NCOR1: variants seen among roughly 807,000 people sequenced by gnomAD.
NCOR1 encodes nuclear receptor corepressor 1, also known as protein phosphatase 1, regulatory subunit 109.
A neutral mutation model predicts 288.1 loss-of-function variants in NCOR1; 63 were observed. That is an observed-to-expected ratio of 0.22 (90% CI 0.18 to 0.27). NCOR1 has a LOEUF of 0.27. Among genes scored for constraint, NCOR1 ranks in the 10% least tolerant of loss-of-function variants. The probability of loss-of-function intolerance (pLI) is 1.00; values close to 1 mark genes in which losing one functional copy is unlikely to be tolerated. For missense variants in NCOR1, 2,397 were observed against 3,019.2 expected (o/e 0.79, Z 4.83); for synonymous variants, 1,007 against 1,065.9 (o/e 0.94, Z 1.08).
chr17:16,151,514 C>G, intron 8 of NCOR1: 1 of 1,069,172 alleles, frequency 9.4e-7, no homozygotes. Flanking sequence ...GGCACTTCTA[C>G]TTTGCAATGG....
In NCOR1 at chr17:16,047,070, C is replaced by T. The variant is rs1481285610; in HGVS notation, c.6560G>A (p.Ser2187Asn). The change falls in exon 42 of 46, where the codon AGT becomes AAT. Residue 2187 changes from serine to asparagine, a missense_variant. Around this residue, in one of 11 missense-constraint regions of NCOR1, gnomAD observed 1,872 missense variants for 2,187.8 expected, o/e 0.86. Transcript: ENST00000268712. ...EQRNDARSPG[S>N]ISYLPSFFTK... Reference sequence around the variant, plus strand: ...GAAGAATGAAGGCAAGTAGCTTATACTCCCTGGTGAGCGGGCATCATTCCT... The same window carrying T: ...GAAGAATGAAGGCAAGTAGCTTATATTCCCTGGTGAGCGGGCATCATTCCT... 3 of 1,613,096 alleles carry T rather than the reference C, an allele frequency of 1.9e-6. No homozygotes were observed. Among genetic ancestry groups the T allele is most frequent in the Admixed American group, 3.3e-5 (2 of 59,870 alleles).
chr17:16,193,087 TAG>T (rs1424778730), intron 2 of NCOR1, among the ~76,000 whole-genome samples: 5 of 152,158 alleles, frequency 3.3e-5, no homozygotes, highest in African/African-American at 1.2e-4. Context: ...AAGAACGTCC[TAG>T]AGTGTTAGAA....
intron 40 of NCOR1, among the ~76,000 whole-genome samples, chr17:16,053,156 A>C (rs1159820541): frequency 1.3e-5 from 2 of 152,226 alleles, no homozygotes; most frequent in Non-Finnish European, 2.9e-5. Flanking sequence ...GCCCTCTGTC[A>C]CCACTTTTAT....
intron 1 of NCOR1, among the ~76,000 whole-genome samples, chr17:16,211,798 C>T (rs2092152875): frequency 6.6e-6 from 1 of 152,040 alleles, no homozygotes; most frequent in Non-Finnish European, 1.5e-5. Flanking sequence ...AAAAATGCCA[C>T]CACAAGAAAA....
rs766638542 is a variant in NCOR1, at chr17:16,070,481, G to C, written c.4197C>G (p.Ile1399Met). Reference protein sequence around the residue: ...KFDNNSGQSAIKHNVKSLITG... With the variant: ...KFDNNSGQSAMKHNVKSLITG... Reference sequence around the variant, plus strand: ...TGATTAAGGATTTGACATTGTGTTTGATGGCAGATTGACCTGAGTTGTTGT... The same window carrying C: ...TGATTAAGGATTTGACATTGTGTTTCATGGCAGATTGACCTGAGTTGTTGT... The change falls in exon 31 of 46, where the codon ATC (isoleucine) becomes ATG (methionine). Residue 1399 changes from isoleucine (I) to methionine (M), a missense_variant. By Grantham distance (10) the Ile-to-Met change is conservative (BLOSUM62 1). Coordinates refer to ENST00000268712, the MANE Select transcript of NCOR1 (RefSeq NM_006311.4). 2.5e-6 allele frequency: 4 copies of C among 1,614,086 alleles called. No individual in the cohort carries two copies. Among genetic ancestry groups the C allele is most frequent in the Non-Finnish European group, 3.4e-6 (4 of 1,180,040 alleles).
intron 40 of NCOR1, among the ~76,000 whole-genome samples, chr17:16,054,562 A>G (rs1275577799): frequency 6.6e-6 from 1 of 152,116 alleles, no homozygotes; most frequent in East Asian, 1.9e-4. Context: ...ATGAACAGAC[A>G]CTTTTCAAAA....
intron 42 of NCOR1, chr17:16,044,721 C>A: frequency 1.4e-6 from 1 of 730,482 alleles, no homozygotes; most frequent in Non-Finnish European, 2.5e-6. Flanking sequence ...CTCGTTAAAG[C>A]AGCTGGTGTA....
intron 1 of NCOR1, among the ~76,000 whole-genome samples, chr17:16,200,514 A>T (rs1373631292): frequency 4.6e-5 from 7 of 150,626 alleles, no homozygotes; most frequent in African/African-American, 1.7e-4. Context: ...AAAAAAAAAA[A>T]AAAAAAAGCT....
intron 23 of NCOR1, among the ~76,000 whole-genome samples, chr17:16,085,013 C>CA (rs1336817001): frequency 6.6e-6 from 1 of 151,918 alleles, no homozygotes; most frequent in South Asian, 2.1e-4. Context: ...AATAAACAGA[C>CA]AAAAAACAGA....
At chr17:16,188,782 T>C (rs974554416) in intron 2 of NCOR1, among the ~76,000 whole-genome samples, 1 of 152,012 alleles carries the variant, frequency 6.6e-6, no homozygotes, top group Non-Finnish European at 1.5e-5. Flanking sequence ...CCCAGCACTT[T>C]GGGAGGCCAA....
At chr17:16,092,695 ATTTTT>A (rs1184440315) in intron 21 of NCOR1, among the ~76,000 whole-genome samples, 859 of 22,352 alleles carry the variant, frequency 0.038, 26 homozygotes, top group East Asian at 0.093. Flanking sequence ...ATATATATAT[ATTTTT>A]TTTTTTTTTT....
intron 22 of NCOR1, chr17:16,087,245 C>A (rs2064385751): frequency 1.5e-6 from 2 of 1,304,164 alleles, no homozygotes; most frequent in South Asian, 2.5e-5. Flanking sequence ...TTGGAGAAAG[C>A]CTACACGGTG....
rs1038334017 is a variant in NCOR1, at chr17:16,131,748, C to G, written c.1510-5542G>C. ...GCCAACTGAATTTCAGACTAACTTC[C>G]TGAAGAGTGAAAGCTGTCAATCACC... On this transcript the variant is annotated intron_variant, in intron 14 of 45. Coordinates refer to ENST00000268712, the MANE Select transcript of NCOR1 (RefSeq NM_006311.4). Among the ~76,000 whole-genome samples the G allele has an allele frequency of 4.6e-5, 7 of 152,178 alleles. No individual in the cohort carries two copies. In the East Asian group the frequency reaches 1.3e-3, roughly 29 times the overall value.
intron 3 of NCOR1, among the ~76,000 whole-genome samples, chr17:16,178,961 ATT>A (rs11306479): frequency 0.017 from 2,579 of 150,922 alleles, 43 homozygotes; most frequent in East Asian, 0.049. Context: ...AAAAAAAGTT[ATT>A]TTTTTTTTGT....
intron 21 of NCOR1, among the ~76,000 whole-genome samples, chr17:16,092,344 G>A (rs1308352283): frequency 1.3e-5 from 2 of 151,890 alleles, no homozygotes; most frequent in East Asian, 2.0e-4. Flanking sequence ...AAATTTAGCT[G>A]GGTGCAGTGA....
At position 16,194,629 on chromosome 17, in the gene NCOR1, T is replaced by C; in HGVS notation, c.-60A>G. On this transcript the variant is annotated 5_prime_UTR_variant, in exon 2 of 46. Coordinates refer to ENST00000268712, the MANE Select transcript of NCOR1 (RefSeq NM_006311.4). ...CAATGCCAATAAACAATCATGTTTC[T>C]AGGAAACCACCTAAACAGGATGAGA... is the stretch of plus-strand genomic sequence containing the variant. 2 of 1,080,158 alleles carry C rather than the reference T, an allele frequency of 1.9e-6. No homozygotes were observed. The highest frequency in any genetic ancestry group is 1.4e-5 in the South Asian group (1 of 73,122). 66.9% of individuals were successfully genotyped at this position (1,080,158 alleles called of 1,614,324 possible).
At chr17:16,128,620 G>A (rs938692939) in intron 14 of NCOR1, among the ~76,000 whole-genome samples, 1 of 152,070 alleles carries the variant, frequency 6.6e-6, no homozygotes, top group African/African-American at 2.4e-5. Flanking sequence ...CTCCAATCTC[G>A]ACTGTTCATT....
chr17:16,082,683 C>T (rs1598347211), intron 23 of NCOR1, among the ~76,000 whole-genome samples: 1 of 151,326 alleles, frequency 6.6e-6, no homozygotes, highest in Non-Finnish European at 1.5e-5. Flanking sequence ...CATGCCACTG[C>T]ACTCCAGCCT....
chr17:16,061,302 G>A (rs1484829931), intron 37 of NCOR1, 99 bp downstream of exon 37: 24 of 1,402,716 alleles, frequency 1.7e-5, no homozygotes, highest in Admixed American at 4.5e-5. Context: ...ACTATCAACC[G>A]TTAGGATTTT....
Sources: allele counts gnomAD v4.1 joint callset (sites outside exome capture counted in the v4.1 genomes callset), GRCh38; gene constraint gnomAD v4.1.1; regional missense constraint gnomAD v4.1.1; transcripts MANE v1.5; gene names NCBI Gene and HGNC (gene_info 2026-07-23, HGNC 2026-07-21).